The following SGPP2 variants were observed in gnomAD, a reference collection of about 807,000 sequenced individuals.
SGPP2 encodes sphingosine-1-phosphate phosphatase 2, also known as sphingosine 1-phosphate phosphohydrolase 2.
Under a neutral mutation model 33.9 loss-of-function variants are expected in SGPP2, and 30 were observed. That is an observed-to-expected ratio of 0.89 (90% confidence interval 0.66 to 1.20). The LOEUF is 1.20. Among genes scored for constraint, SGPP2 ranks in the 50% most tolerant of loss-of-function variants. The pLI is 0.00. For synonymous variants in SGPP2, 233 were observed against 225.0 expected (o/e 1.04, Z -0.32); for missense variants, 458 against 532.1 (o/e 0.86, Z 1.37).
At chr2:222,533,350 C>T (rs575960497) in intron 4 of SGPP2, among the ~76,000 whole-genome samples, 34 of 152,264 alleles carry the variant, frequency 2.2e-4, no homozygotes, top group African/African-American at 7.7e-4. Context: ...GGTGAGACTT[C>T]GGCTGGACCC....
At chr2:222,441,947 AC>A (rs908487500) in intron 1 of SGPP2, among the ~76,000 whole-genome samples, 5 of 152,166 alleles carry the variant, frequency 3.3e-5, no homozygotes, top group African/African-American at 1.2e-4. Context: ...ACAAAATGGT[AC>A]CCCCATGTCT....
chr2:222,509,513 G>A (rs189804286), intron 2 of SGPP2, among the ~76,000 whole-genome samples: 50 of 152,316 alleles, frequency 3.3e-4, no homozygotes, highest in African/African-American at 1.2e-3. Context: ...ACTTATGGTT[G>A]TGAGTAGTGG....
At chr2:222,508,149 G>A (rs186965832) in intron 2 of SGPP2, among the ~76,000 whole-genome samples, 4 of 152,282 alleles carry the variant, frequency 2.6e-5, no homozygotes, top group African/African-American at 9.6e-5. Flanking sequence ...ATGTGATATC[G>A]TAATCTCTCA....
rs1553535788 is a variant in SGPP2, at chr2:222,463,970, C to CTT, written c.220-10598_220-10597insTT. Among the ~76,000 whole-genome samples the CTT allele has an allele frequency of 3.5e-3, 538 of 151,762 alleles. 3 individuals are homozygous for CTT. The highest frequency in any genetic ancestry group is 6.8e-3 in the Middle Eastern group (2 of 294). On this transcript the variant is annotated intron_variant, in intron 1 of 4. Coordinates refer to ENST00000321276, the MANE Select transcript of SGPP2 (RefSeq NM_152386.4). ...ACCCTCCCAAGTTCTGAATCCTGTACGTGTGTTGGGGTGAGGGGAAATGCC... is the reference window on the plus strand; with the variant it reads ...ACCCTCCCAAGTTCTGAATCCTGTACTTGTGTGTTGGGGTGAGGGGAAATGCC...
intron 2 of SGPP2, among the ~76,000 whole-genome samples, chr2:222,496,744 C>T (rs1698286957): frequency 6.6e-6 from 1 of 152,204 alleles, no homozygotes; most frequent in Non-Finnish European, 1.5e-5. Flanking sequence ...TGGTGTTCCT[C>T]TGCCTTTCAT....
At chr2:222,493,616 A>G (rs2106112293) in intron 2 of SGPP2, among the ~76,000 whole-genome samples, 1 of 152,336 alleles carries the variant, frequency 6.6e-6, no homozygotes, top group South Asian at 2.1e-4. Context: ...GATTATAGCC[A>G]TGAGCCACTG....
chr2:222,548,179 CA>C (rs1689234123), intron 4 of SGPP2, among the ~76,000 whole-genome samples: 1 of 152,190 alleles, frequency 6.6e-6, no homozygotes, highest in Non-Finnish European at 1.5e-5. Flanking sequence ...CAATAGTAAA[CA>C]ATAAGTTGAA....
At position 222,524,933 on chromosome 2, in the gene SGPP2, T is replaced by C; in HGVS notation, c.559-11T>C. ...GATCTAATTCCCTTGTTTTTTCTCC[T>C]TCCCCCACAGTATCCATTTGTGTTG... On this transcript the variant is annotated splice_polypyrimidine_tract_variant and intron_variant, in intron 3 of 4. Coordinates refer to ENST00000321276, the MANE Select transcript of SGPP2 (RefSeq NM_152386.4). The C allele has an allele frequency of 6.2e-7, 1 of 1,611,312 alleles. No individual in the cohort carries two copies. Among genetic ancestry groups the C allele is most frequent in the Non-Finnish European group, 8.5e-7 (1 of 1,177,870 alleles).
At chr2:222,458,602 G>A (rs529164061) in intron 1 of SGPP2, among the ~76,000 whole-genome samples, 82 of 152,206 alleles carry the variant, frequency 5.4e-4, no homozygotes, top group Admixed American at 1.6e-3. Flanking sequence ...TGCTATTTCC[G>A]AGGCTTCCGA....
intron 4 of SGPP2, among the ~76,000 whole-genome samples, chr2:222,533,912 G>A (rs1698876094): frequency 6.6e-6 from 1 of 152,098 alleles, no homozygotes; most frequent in African/African-American, 2.4e-5. Flanking sequence ...TCCCAGGGGT[G>A]CTGAGAACTG....
chr2:222,446,725 T>A (rs2106071709), intron 1 of SGPP2, among the ~76,000 whole-genome samples: 1 of 152,362 alleles, frequency 6.6e-6, no homozygotes, highest in Non-Finnish European at 1.5e-5. Context: ...AATGTGGATA[T>A]CCTTATTGAT....
chr2:222,424,523 G>A, upstream of SGPP2: 1 of 1,015,656 alleles, frequency 9.8e-7, no homozygotes, highest in Middle Eastern at 3.8e-4. Context: ...GATCGGCGGG[G>A]GCGAGGCGGG....
At chr2:222,510,718 C>T (rs1349375499) in intron 2 of SGPP2, among the ~76,000 whole-genome samples, 1 of 152,052 alleles carries the variant, frequency 6.6e-6, no homozygotes, top group Non-Finnish European at 1.5e-5. Flanking sequence ...CATATGGAGC[C>T]TTTGCTCTTT....
intron 1 of SGPP2, among the ~76,000 whole-genome samples, chr2:222,438,759 A>C (rs979841545): frequency 2.1e-4 from 32 of 152,226 alleles, no homozygotes; most frequent in Non-Finnish European, 8.8e-5. Context: ...TGTGGTGGGA[A>C]TCTCCAACCC....
intron 1 of SGPP2, among the ~76,000 whole-genome samples, chr2:222,442,952 G>A (rs992120207): frequency 6.6e-6 from 1 of 152,110 alleles, no homozygotes. Context: ...AAATCAGAAC[G>A]ATCAAATATT....
In SGPP2 at chr2:222,458,569, T is replaced by C. The variant is rs112265234; in HGVS notation, c.220-15999T>C. Among the ~76,000 whole-genome samples the C allele has an allele frequency of 1.3e-3, 201 of 152,310 alleles. 1 individual carries two copies. Among genetic ancestry groups the C allele is most frequent in the African/African-American group, 4.7e-3 (194 of 41,566 alleles). On this transcript the variant is annotated intron_variant, in intron 1 of 4. Coordinates refer to ENST00000321276, the MANE Select transcript of SGPP2 (RefSeq NM_152386.4). ...AGATCTGGCTCTACAGGTGGTCTCT[T>C]TTACAGTCAGAAGTTTTCAGTTTGC...
At chr2:222,542,836 A>T (rs1157071330) in intron 4 of SGPP2, among the ~76,000 whole-genome samples, 3 of 146,506 alleles carry the variant, frequency 2.0e-5, no homozygotes, top group Admixed American at 6.8e-5. Flanking sequence ...TTTTCTTGAG[A>T]CAAGGTCTCA....
rs1219208757 is a variant in SGPP2, at chr2:222,558,654, A to G, written c.956A>G (p.Tyr319Cys). The G allele has an allele frequency of 1.2e-6, 2 of 1,614,088 alleles. No individual in the cohort carries two copies. The highest frequency in any genetic ancestry group is 1.7e-6 in the Non-Finnish European group (2 of 1,180,010). Residue 319 changes from tyrosine to cysteine, a missense_variant, in exon 5 of 5, where the codon TAC (tyrosine) becomes TGC (cysteine). Coordinates refer to ENST00000321276, the MANE Select transcript of SGPP2 (RefSeq NM_152386.4). Reference sequence around the variant, plus strand: ...CAGAACATCCCACCACTCACCACCTACATGTTAGTTTTGGGTCTGACCAAA... The same window carrying G: ...CAGAACATCCCACCACTCACCACCTGCATGTTAGTTTTGGGTCTGACCAAA... ...VIQNIPPLTT[Y>C]MLVLGLTKFA... is the part of the protein sequence containing the mutation.
At position 222,465,146 on chromosome 2, in the gene SGPP2, T is replaced by C. The variant is rs1190272016; in HGVS notation, c.220-9422T>C. On this transcript the variant is annotated intron_variant, in intron 1 of 4. Coordinates refer to ENST00000321276, the MANE Select transcript of SGPP2 (RefSeq NM_152386.4). The surrounding 1 kb of genome is among the most constrained non-coding windows in gnomAD (Gnocchi z 4.1). ...CCACTAAGCAGGTGACAGTGATGAG[T>C]GTGCAGTTCCCTCTCAAGCTGACTC... Among the ~76,000 whole-genome samples the C allele has an allele frequency of 1.3e-5, 2 of 152,056 alleles. No homozygotes were observed. Among genetic ancestry groups the C allele is most frequent in the Non-Finnish European group, 2.9e-5 (2 of 68,022 alleles).
Sources: gnomAD v4.1 joint callset for allele counts (sites outside exome capture counted in the v4.1 genomes callset) on GRCh38, gnomAD v4.1.1 for gene constraint, Gnocchi (gnomAD v3.1) non-coding constraint, MANE v1.5 for transcripts, NCBI Gene and HGNC (gene_info 2026-07-23, HGNC 2026-07-21) for gene names.